Variants in TNS3 observed in about 807,000 individuals in gnomAD.
TNS3 encodes the protein tensin 3.
In TNS3, 45 loss-of-function variants were observed where a neutral mutation model predicts 140.9. That is an observed-to-expected ratio of 0.32 (90% CI 0.25 to 0.41). The LOEUF (loss-of-function observed/expected upper bound fraction) is 0.41. Among genes scored for constraint, TNS3 ranks in the 10% least tolerant of loss-of-function variants. The pLI is 1.00. For missense variants in TNS3, 1,716 were observed against 1,906.7 expected, an observed-to-expected ratio of 0.90 and a Z score of 1.86; for synonymous variants, 815 against 788.4, an observed-to-expected ratio of 1.03 and a Z score of -0.56.
chr7:47,277,781 T>G lies in TNS3; in HGVS notation c.*295A>C, dbSNP rs776381410. ...CACCTCGTGTTCTGTGCTGTTTCCT[T>G]GCATGTCCCTTTCCCATGGGGACCC... is the stretch of plus-strand genomic sequence containing the variant. On this transcript the variant is annotated 3_prime_UTR_variant, in exon 31 of 31. Transcript: ENST00000311160. The G allele has an allele frequency of 8.8e-6, 4 of 456,572 alleles. No homozygotes were observed. The highest frequency in any genetic ancestry group is 1.6e-5 in the Non-Finnish European group (4 of 245,866). 28.3% of individuals were successfully genotyped at this position (456,572 alleles called of 1,614,324 possible).
At chr7:47,493,384 A>G (rs1251815298) in intron 3 of TNS3, among the ~76,000 whole-genome samples, 1 of 152,248 alleles carries the variant, frequency 6.6e-6, no homozygotes, top group Non-Finnish European at 1.5e-5. Context: ...TAAACATACA[A>G]CAGTTATTCA....
At chr7:47,389,089 A>G (rs1311332506) in intron 16 of TNS3, among the ~76,000 whole-genome samples, 3 of 78,054 alleles carry the variant, frequency 3.8e-5, no homozygotes, top group African/African-American at 1.7e-4. Context: ...AAGAAGAGGA[A>G]GAGGAAGAGG....
At chr7:47,481,167 A>T in intron 3 of TNS3, 26 bp from the exon 4 acceptor site, 1 of 1,289,348 alleles carries the variant, frequency 7.8e-7, no homozygotes, top group Non-Finnish European at 1.0e-6. Flanking sequence ...GAAACAGATA[A>T]GCAAATGGAT....
intron 4 of TNS3, among the ~76,000 whole-genome samples, chr7:47,463,076 A>G (rs996903411): frequency 1.3e-5 from 2 of 152,188 alleles, no homozygotes; most frequent in African/African-American, 4.8e-5. Flanking sequence ...ACCAACACTG[A>G]GCTTCCGTCT....
At chr7:47,450,297 C>T (rs1795956360) in intron 4 of TNS3, among the ~76,000 whole-genome samples, 1 of 152,206 alleles carries the variant, frequency 6.6e-6, no homozygotes, top group Non-Finnish European at 1.5e-5. Flanking sequence ...GACATCTGCT[C>T]CTTCCCAAGG....
At position 47,344,818 on chromosome 7, in the gene TNS3, G is replaced by A. The variant is rs780676264; in HGVS notation, c.2587C>T (p.Pro863Ser). The change falls in exon 20 of 31, where the codon CCT becomes TCT. Residue 863 changes from proline to serine, a missense_variant. Coordinates refer to ENST00000311160, the MANE Select transcript of TNS3 (RefSeq NM_022748.12). ...GGGGGCTCAGGTGGGCTGAACGGAG[G>A]ATGGCGCAGCGCTGTTTTCACTGGA... Reference protein sequence around the residue: ...TPYVKTALRHPPFSPPEPPLS... With the variant: ...TPYVKTALRHSPFSPPEPPLS... 10 of 1,613,662 alleles carry A rather than the reference G, an allele frequency of 6.2e-6. No homozygotes were observed. The highest frequency in any genetic ancestry group is 3.4e-4 in the Middle Eastern group (2 of 5,862).
rs1216035733 is a variant in TNS3 at position 47,407,776 on chromosome 7, C to G, written c.723+3951G>C. ...GAGGACATAGACACACAGAGGGAAG[C>G]CCAGGTGAGGACACAGGGAGAAGAC... On this transcript the variant is annotated intron_variant, in intron 13 of 30. Coordinates refer to ENST00000311160, the MANE Select transcript of TNS3 (RefSeq NM_022748.12). The surrounding 1 kb of genome is among the most constrained non-coding windows in gnomAD (Gnocchi z 4.1). Among the ~76,000 whole-genome samples, 1 of 152,074 alleles carries G rather than the reference C, an allele frequency of 6.6e-6. No homozygotes were observed. The highest frequency in any genetic ancestry group is 2.4e-5 in the African/African-American group (1 of 41,396).
At chr7:47,485,936 G>A (rs2960230) in intron 3 of TNS3, among the ~76,000 whole-genome samples, 4,723 of 152,198 alleles carry the variant, frequency 0.031, 104 homozygotes, top group Middle Eastern at 0.058. Flanking sequence ...GTGGGTGAGC[G>A]TATGTGTGTG....
At chr7:47,400,964 C>T (rs1283373683) in intron 13 of TNS3, 50 bp from the exon 14 acceptor site, 3 of 1,608,544 alleles carry the variant, frequency 1.9e-6, no homozygotes, top group South Asian at 2.2e-5. Flanking sequence ...GGGGGACACA[C>T]GTTCCCGGCA....
chr7:47,317,658 T>C (rs1030865349), intron 20 of TNS3, among the ~76,000 whole-genome samples: 25 of 152,222 alleles, frequency 1.6e-4, no homozygotes, highest in African/African-American at 6.0e-4. Flanking sequence ...GTGCTTTGGT[T>C]TGAGTTCTCA....
chr7:47,520,247 C>T (rs1371133734), intron 2 of TNS3, among the ~76,000 whole-genome samples: 2 of 152,168 alleles, frequency 1.3e-5, no homozygotes, highest in African/African-American at 4.8e-5. Flanking sequence ...TCAGAAGTTG[C>T]CACTTGGCCT....
chr7:47,401,820 G>T (rs777851302), intron 13 of TNS3, among the ~76,000 whole-genome samples: 1 of 152,222 alleles, frequency 6.6e-6, no homozygotes, highest in Non-Finnish European at 1.5e-5. Context: ...TCAGGGGCAG[G>T]ACCACCAGGT....
chr7:47,451,661 G>A (rs767374312), intron 4 of TNS3, among the ~76,000 whole-genome samples: 2 of 152,210 alleles, frequency 1.3e-5, no homozygotes, highest in Non-Finnish European at 2.9e-5. Context: ...CCGGTGACGA[G>A]AGACACAGAT....
intron 10 of TNS3, among the ~76,000 whole-genome samples, chr7:47,420,129 T>C (rs1264586817): frequency 2.6e-5 from 4 of 152,222 alleles, no homozygotes; most frequent in Admixed American, 1.3e-4. Flanking sequence ...CTACTCTCCT[T>C]GTATCTTTAA....
intron 3 of TNS3, among the ~76,000 whole-genome samples, chr7:47,496,164 G>A (rs1358454053): frequency 6.6e-6 from 1 of 152,170 alleles, no homozygotes; most frequent in Admixed American, 6.5e-5. Flanking sequence ...TATAGACTCT[G>A]AGCAGTTCAA....
chr7:47,493,662 C>T (rs1272916194), intron 3 of TNS3, among the ~76,000 whole-genome samples: 1 of 118,874 alleles, frequency 8.4e-6, no homozygotes, highest in Non-Finnish European at 1.9e-5. Flanking sequence ...ACTAAAAATA[C>T]AAAAAAAAAA....
chr7:47,482,935 G>C (rs1272573738), intron 3 of TNS3, among the ~76,000 whole-genome samples: 2 of 152,178 alleles, frequency 1.3e-5, no homozygotes, highest in Non-Finnish European at 2.9e-5. Context: ...AGAGGAACAG[G>C]CAGAGCACAG....
intron 17 of TNS3, among the ~76,000 whole-genome samples, chr7:47,355,562 T>C (rs1012773133): frequency 6.6e-6 from 1 of 152,286 alleles, no homozygotes; most frequent in East Asian, 1.9e-4. Context: ...ACTGTTGCCA[T>C]CAATTCACCC....
intron 3 of TNS3, among the ~76,000 whole-genome samples, chr7:47,489,572 A>G (rs191805796): frequency 1.8e-4 from 28 of 152,380 alleles, no homozygotes; most frequent in African/African-American, 4.8e-4. Flanking sequence ...ATGGCCCACA[A>G]GGCAGGGCCA....
Sources: allele counts gnomAD v4.1 joint callset (sites outside exome capture counted in the v4.1 genomes callset), GRCh38; gene constraint gnomAD v4.1.1; non-coding constraint Gnocchi (gnomAD v3.1); transcripts MANE v1.5; gene names NCBI Gene and HGNC (gene_info 2026-07-23, HGNC 2026-07-21).